PCDHGA6: variants seen among roughly 807,000 people sequenced by gnomAD.
The protein encoded by PCDHGA6 is protocadherin gamma subfamily A, 6, also known as protocadherin gamma-A6.
In PCDHGA6, 41 loss-of-function variants were observed where a neutral mutation model predicts 60.6. The observed-to-expected ratio is 0.68, with a 90% CI of 0.53 to 0.88. The LOEUF (loss-of-function observed/expected upper bound fraction) is 0.88, where lower values mean the gene tolerates loss of function less well. Among genes scored for constraint, PCDHGA6 ranks in the 40% least tolerant of loss-of-function variants. The probability of loss-of-function intolerance (pLI) is 0.00; values close to 1 mark genes in which losing one functional copy is unlikely to be tolerated. For missense variants in PCDHGA6, 1,312 were observed against 1,203.0 expected, an observed-to-expected ratio of 1.09 and a Z score of -1.34; for synonymous variants, 594 against 524.4, an observed-to-expected ratio of 1.13 and a Z score of -1.81.
intron 1 of PCDHGA6, chr5:141,414,177 T>G (rs370827396): frequency 1.7e-5 from 28 of 1,607,906 alleles, no homozygotes; most frequent in Non-Finnish European, 2.2e-5. Flanking sequence ...ATCTTGCAAC[T>G]GCAAAAGTGT....
Position 141,375,275 on chromosome 5 carries a change from G to A in PCDHGA6, c.1192G>A (p.Val398Ile). 6.2e-7 allele frequency: 1 copy of A among 1,613,902 alleles called. No individual in the cohort carries two copies. ...TCTCCCATTTGAATTGGAAAAATCA[G>A]TTGGCAATTATTATCGATTAGTGAC... ...RSLPFELEKS[V>I]GNYYRLVTNA... The change falls in exon 1 of 4, where the codon GTT (valine) becomes ATT (isoleucine). Residue 398 changes from valine to isoleucine, a missense_variant. Physicochemically the swap from Val to Ile is conservative, Grantham distance 29. Coordinates refer to ENST00000517434, the MANE Select transcript of PCDHGA6 (RefSeq NM_018919.3).
At chr5:141,457,330 A>G (rs2098916985) in intron 1 of PCDHGA6, among the ~76,000 whole-genome samples, 1 of 152,174 alleles carries the variant, frequency 6.6e-6, no homozygotes, top group Non-Finnish European at 1.5e-5. Flanking sequence ...GGTTACAGGT[A>G]CCTTACTTAC....
At chr5:141,475,103 G>A (rs771784343) in intron 1 of PCDHGA6, among the ~76,000 whole-genome samples, 1 of 152,176 alleles carries the variant, frequency 6.6e-6, no homozygotes, top group Non-Finnish European at 1.5e-5. Flanking sequence ...AAGATCCTAG[G>A]TGGTAAATAG....
intron 1 of PCDHGA6, chr5:141,408,653 C>T (rs1589679123): frequency 6.2e-7 from 1 of 1,613,982 alleles, no homozygotes; most frequent in African/African-American, 1.3e-5. Context: ...CGCTGGTACA[C>T]GACTATCGCT....
At chr5:141,400,652 T>A in intron 1 of PCDHGA6, 1 of 1,143,230 alleles carries the variant, frequency 8.7e-7, no homozygotes, top group Non-Finnish European at 1.3e-6. Flanking sequence ...AAAGCTGTCC[T>A]ACCATTCTTT....
chr5:141,403,762 T>A (rs1217388200), intron 1 of PCDHGA6: 1 of 1,613,736 alleles, frequency 6.2e-7, no homozygotes, highest in Non-Finnish European at 8.5e-7. Flanking sequence ...GCGACCTGGA[T>A]GAGGGAATCA....
At chr5:141,427,683 G>A (rs761750638) in intron 1 of PCDHGA6, 3 of 836,052 alleles carry the variant, frequency 3.6e-6, no homozygotes, top group South Asian at 2.8e-5. Flanking sequence ...CCTTCCCGGA[G>A]CCTCCATCCC....
chr5:141,423,572 G>T (rs1239529114), intron 1 of PCDHGA6: 2 of 1,613,510 alleles, frequency 1.2e-6, no homozygotes, highest in African/African-American at 1.3e-5. Context: ...ACGCTCATCA[G>T]CCAGGAGAGC....
chr5:141,500,173 T>G (rs1666567886), intron 2 of PCDHGA6, among the ~76,000 whole-genome samples: 1 of 149,340 alleles, frequency 6.7e-6, no homozygotes, highest in East Asian at 1.9e-4. Context: ...ATGCATGAGC[T>G]TCATTTTTAT....
rs954948864 is a variant in PCDHGA6, at chr5:141,382,821, C to T, written c.2424+6314C>T. On this transcript the variant is annotated intron_variant, in intron 1 of 3. Transcript: ENST00000517434. ...GGATTCTGAGCTCCCCTTCCTAAGACAGAGGGGTCCACCCGGATACACCCG... is the reference window on the plus strand; with the variant it reads ...GGATTCTGAGCTCCCCTTCCTAAGATAGAGGGGTCCACCCGGATACACCCG... 3.1e-6 allele frequency: 4 copies of T among 1,306,294 alleles called. No homozygotes were observed. In the African/African-American group the frequency reaches 5.9e-5, roughly 19 times the overall value. The allele number at this position is 1,306,294 out of a possible 1,614,324, so 80.9% of individuals were successfully genotyped here. A position where few individuals can be genotyped will look rare whatever the true frequency, so the allele number is the denominator to read the frequency against.
In PCDHGA6 at chr5:141,476,990, C is replaced by A; in HGVS notation, c.2425-17817C>A. On this transcript the variant is annotated intron_variant, in intron 1 of 3. Coordinates refer to ENST00000517434, the MANE Select transcript of PCDHGA6 (RefSeq NM_018919.3). The surrounding 1 kb of genome is among the most constrained non-coding windows in gnomAD (Gnocchi z 7.6). Reference sequence around the variant, plus strand: ...CGGCAGCCACAACCGCGCCGGCGTGCGGCAACTATTCGCCTTAGACCTTGT... The same window carrying A: ...CGGCAGCCACAACCGCGCCGGCGTGAGGCAACTATTCGCCTTAGACCTTGT... The A allele has an allele frequency of 6.2e-7, 1 of 1,614,220 alleles. No individual in the cohort carries two copies. Among genetic ancestry groups the A allele is most frequent in the South Asian group, 1.1e-5 (1 of 91,090 alleles).
intron 1 of PCDHGA6, chr5:141,440,448 A>G (rs2098178859): frequency 6.6e-6 from 1 of 152,168 alleles, no homozygotes; most frequent in East Asian, 1.9e-4. Context: ...CGCCATCTCA[A>G]AAAAAATGAA....
intron 1 of PCDHGA6, among the ~76,000 whole-genome samples, chr5:141,463,205 A>T (rs2099054933): frequency 6.6e-6 from 1 of 152,080 alleles, no homozygotes; most frequent in Non-Finnish European, 1.5e-5. Context: ...AGACTTGGGG[A>T]TCCATATTAA....
chr5:141,489,066 C>G lies in PCDHGA6; in HGVS notation c.2425-5741C>G. The stretch of plus-strand genomic sequence containing the variant: ...CACTCAAATTCAGCTCCCCTCCCCC[C>G]TGCCCACCCCCGCCACTCGGTGACT... On this transcript the variant is annotated intron_variant, in intron 1 of 3. Transcript: ENST00000517434. This position sits in a 1 kb window ranked among gnomAD's most constrained non-coding sequence, Gnocchi z 4.5. 1 of 391,132 alleles carries G rather than the reference C, an allele frequency of 2.6e-6. No individual in the cohort carries two copies. Among genetic ancestry groups the G allele is most frequent in the South Asian group, 4.2e-5 (1 of 24,028 alleles). 24.2% of individuals were successfully genotyped at this position (391,132 alleles called of 1,614,324 possible).
chr5:141,383,268 A>C (rs773903039), intron 1 of PCDHGA6: 1 of 1,613,816 alleles, frequency 6.2e-7, no homozygotes, highest in Non-Finnish European at 8.5e-7. Context: ...ACGTGGAAAT[A>C]ATAGATATTA....
At chr5:141,423,102 C>A (rs778561065) in intron 1 of PCDHGA6, 2 of 1,613,802 alleles carry the variant, frequency 1.2e-6, no homozygotes, top group Non-Finnish European at 1.7e-6. Flanking sequence ...AGCACACGGG[C>A]GAGGTGCGTA....
chr5:141,400,524 G>T, intron 1 of PCDHGA6: 1 of 1,613,920 alleles, frequency 6.2e-7, no homozygotes, highest in Non-Finnish European at 8.5e-7. Flanking sequence ...ATCCTGAGTT[G>T]GTGAGTTTCA....
At chr5:141,467,273 G>T (rs879618653) in intron 1 of PCDHGA6, among the ~76,000 whole-genome samples, 1 of 151,828 alleles carries the variant, frequency 6.6e-6, no homozygotes, top group Admixed American at 6.6e-5. Context: ...GGCTGGTCTC[G>T]AACTCTTGAC....
chr5:141,480,371 C>T (rs1562080299), intron 1 of PCDHGA6, among the ~76,000 whole-genome samples: 1 of 151,908 alleles, frequency 6.6e-6, no homozygotes, highest in African/African-American at 2.4e-5. Flanking sequence ...GCTGTGATTG[C>T]ACCACTACAC....
Sources: gnomAD v4.1 joint callset for allele counts (sites outside exome capture counted in the v4.1 genomes callset) on GRCh38, gnomAD v4.1.1 for gene constraint, Gnocchi (gnomAD v3.1) non-coding constraint, MANE v1.5 for transcripts, NCBI Gene and HGNC (gene_info 2026-07-23, HGNC 2026-07-21) for gene names.